Variants in LRRC4C observed in about 807,000 individuals in gnomAD.
LRRC4C encodes leucine rich repeat containing 4C.
In LRRC4C, 5 loss-of-function variants were observed where a neutral mutation model predicts 33.6. The observed-to-expected ratio is 0.15, with a 90% confidence interval of 0.08 to 0.31. The LOEUF (loss-of-function observed/expected upper bound fraction) is 0.31. Ranked by LOEUF, LRRC4C falls within the 10% of genes least tolerant of loss-of-function variation. LRRC4C has a pLI of 1.00. For synonymous variants in LRRC4C, 329 were observed against 302.0 expected, an observed-to-expected ratio of 1.09 and a Z score of -0.93; for missense variants, 560 against 796.7, an observed-to-expected ratio of 0.70 and a Z score of 3.58.
intron 2 of LRRC4C, among the ~76,000 whole-genome samples, chr11:40,900,650 A>C (rs1231691307): frequency 1.3e-5 from 2 of 151,804 alleles, no homozygotes; most frequent in Non-Finnish European, 2.9e-5. Context: ...ATATTTTGGA[A>C]GAACTATATC....
intron 3 of LRRC4C, among the ~76,000 whole-genome samples, chr11:40,476,188 T>A (rs1364620692): frequency 6.6e-6 from 1 of 152,132 alleles, no homozygotes; most frequent in Non-Finnish European, 1.5e-5. Context: ...TGTGTGTGCA[T>A]GTGTGGGTGT....
At chr11:41,131,416 A>G (rs369592154) in intron 1 of LRRC4C, among the ~76,000 whole-genome samples, 36 of 152,222 alleles carry the variant, frequency 2.4e-4, no homozygotes, top group African/African-American at 8.4e-4. Flanking sequence ...CCTACCTGAA[A>G]TACCTTTCCT....
chr11:40,768,729 G>A (rs1476460924), intron 2 of LRRC4C, among the ~76,000 whole-genome samples: 2 of 151,790 alleles, frequency 1.3e-5, no homozygotes, highest in African/African-American at 4.8e-5. Context: ...CAGAAAGAAG[G>A]AAAAAAACAT....
chr11:40,534,458 T>C (rs939657794), intron 3 of LRRC4C, among the ~76,000 whole-genome samples: 18 of 152,260 alleles, frequency 1.2e-4, no homozygotes, highest in African/African-American at 3.4e-4. Flanking sequence ...TGGAGTCAAA[T>C]TGCAGAGTCA....
At chr11:41,197,422 T>A (rs965712519) in intron 1 of LRRC4C, among the ~76,000 whole-genome samples, 2 of 151,964 alleles carry the variant, frequency 1.3e-5, no homozygotes, top group Non-Finnish European at 2.9e-5. Context: ...TGTTGGGAAA[T>A]AACAAGAAAG....
chr11:40,659,146 C>A (rs965347657), intron 2 of LRRC4C, among the ~76,000 whole-genome samples: 5 of 152,192 alleles, frequency 3.3e-5, no homozygotes, highest in African/African-American at 1.2e-4. Context: ...GTTCCTGGCA[C>A]CCACTCCAGT....
intron 6 of LRRC4C, among the ~76,000 whole-genome samples, chr11:40,124,580 C>T (rs897517996): frequency 6.6e-6 from 1 of 152,134 alleles, no homozygotes; most frequent in African/African-American, 2.4e-5. Context: ...CATATGTTCT[C>T]ACTTATCTGT....
intron 1 of LRRC4C, among the ~76,000 whole-genome samples, chr11:41,039,719 G>C (rs1857311879): frequency 6.6e-6 from 1 of 152,156 alleles, no homozygotes; most frequent in Admixed American, 6.6e-5. Flanking sequence ...AAATTGGCTA[G>C]AATGAAGTAA....
At chr11:41,221,273 G>A (rs931193067) in intron 1 of LRRC4C, among the ~76,000 whole-genome samples, 2 of 150,250 alleles carry the variant, frequency 1.3e-5, no homozygotes, top group African/African-American at 2.5e-5. Context: ...ACATATGTGC[G>A]GCCAACCATC....
At chr11:40,625,686 A>G (rs1282843036) in intron 3 of LRRC4C, among the ~76,000 whole-genome samples, 1 of 152,202 alleles carries the variant, frequency 6.6e-6, no homozygotes, top group Non-Finnish European at 1.5e-5. Context: ...ACTTACTGTT[A>G]TAAAATTTCT....
intron 1 of LRRC4C, among the ~76,000 whole-genome samples, chr11:41,383,575 C>T (rs762264604): frequency 6.6e-6 from 1 of 151,696 alleles, no homozygotes; most frequent in Non-Finnish European, 1.5e-5. Flanking sequence ...TACATAAAAT[C>T]AACACTTGTA....
At chr11:40,777,269 T>C (rs1950038111) in intron 2 of LRRC4C, among the ~76,000 whole-genome samples, 1 of 152,152 alleles carries the variant, frequency 6.6e-6, no homozygotes, top group Non-Finnish European at 1.5e-5. Flanking sequence ...AAGTCCAGGA[T>C]TTTTGTTGTT....
intron 2 of LRRC4C, among the ~76,000 whole-genome samples, chr11:40,881,531 G>C (rs1955174945): frequency 6.6e-6 from 1 of 151,990 alleles, no homozygotes; most frequent in African/African-American, 2.4e-5. Context: ...TACTGTTCCT[G>C]TGATTTATAT....
intron 4 of LRRC4C, among the ~76,000 whole-genome samples, chr11:40,303,020 A>C (rs1186846198): frequency 6.6e-6 from 1 of 152,152 alleles, no homozygotes; most frequent in Non-Finnish European, 1.5e-5. Flanking sequence ...ATCAAGAATT[A>C]TTATTTTTTT....
chr11:40,224,235 C>A (rs1375463039), intron 5 of LRRC4C, among the ~76,000 whole-genome samples: 1 of 152,162 alleles, frequency 6.6e-6, no homozygotes, highest in Non-Finnish European at 1.5e-5. Context: ...CATTAAAATC[C>A]TTATTATATA....
intron 1 of LRRC4C, among the ~76,000 whole-genome samples, chr11:41,292,457 A>C (rs916346339): frequency 6.6e-6 from 1 of 152,144 alleles, no homozygotes; most frequent in African/African-American, 2.4e-5. Context: ...ATTGTTACTA[A>C]AACATGCCTC....
intron 2 of LRRC4C, among the ~76,000 whole-genome samples, chr11:40,810,637 CCTT>C (rs1951449283): frequency 6.6e-6 from 1 of 152,078 alleles, no homozygotes; most frequent in Non-Finnish European, 1.5e-5. Flanking sequence ...CCTTCCATTC[CCTT>C]CTTCAAATCA....
chr11:40,905,203 A>C (rs1956366919), intron 2 of LRRC4C, among the ~76,000 whole-genome samples: 1 of 152,154 alleles, frequency 6.6e-6, no homozygotes, highest in African/African-American at 2.4e-5. Context: ...TATCTGATGA[A>C]GTGTAGCCTC....
intron 2 of LRRC4C, among the ~76,000 whole-genome samples, chr11:40,873,328 A>T (rs1954741128): frequency 6.6e-6 from 1 of 152,184 alleles, no homozygotes; most frequent in South Asian, 2.1e-4. Context: ...TGAGCTTGTA[A>T]CAATAGTTTG....
Sources: gnomAD v4.1 joint callset for allele counts (sites outside exome capture counted in the v4.1 genomes callset) on GRCh38, gnomAD v4.1.1 for gene constraint, MANE v1.5 for transcripts, NCBI Gene and HGNC (gene_info 2026-07-23, HGNC 2026-07-21) for gene names.